The following LDLRAD4 variants were observed in gnomAD, a reference collection of about 807,000 sequenced individuals.
LDLRAD4 encodes low-density lipoprotein receptor class A domain-containing protein 4.
In LDLRAD4, 5 loss-of-function variants were observed where a neutral mutation model predicts 17.0. That is an observed-to-expected ratio of 0.29 (90% confidence interval 0.15 to 0.62). The LOEUF is 0.62. LDLRAD4 is among the 20% of genes least tolerant of loss of function. The pLI is 0.84. For synonymous variants in LDLRAD4, 168 were observed against 171.8 expected (o/e 0.98, Z 0.17); for missense variants, 340 against 424.7 (o/e 0.80, Z 1.75).
rs532608413 is a variant in LDLRAD4 at position 13,583,971 on chromosome 18, C to T, written c.182-37146C>T. Among the ~76,000 whole-genome samples the T allele has an allele frequency of 9.9e-5, 15 of 152,264 alleles. No homozygotes were observed. The South Asian group carries it at 1.0e-3, about 11-fold the overall frequency. On this transcript the variant is annotated intron_variant, in intron 3 of 5. Transcript: ENST00000359446. ...AGGCCTGCCGTGCCCTTCCCATCTC[C>T]GCAGCCTCAGCCTGGCTTCCCTTGA...
intron 3 of LDLRAD4, among the ~76,000 whole-genome samples, chr18:13,450,751 T>TA: frequency 6.6e-6 from 1 of 152,172 alleles, no homozygotes; most frequent in Non-Finnish European, 1.5e-5. Flanking sequence ...AACATCTTAC[T>TA]AAGCCTGGGT....
intron 1 of LDLRAD4, among the ~76,000 whole-genome samples, chr18:13,347,820 T>C (rs2082782651): frequency 6.6e-6 from 1 of 152,224 alleles, no homozygotes; most frequent in Non-Finnish European, 1.5e-5. Context: ...ATTTCATTCA[T>C]TTGATCTTCC....
At position 13,343,937 on chromosome 18, in the gene LDLRAD4, T is replaced by C. The variant is rs543613638; in HGVS notation, c.-382-43404T>C. Among the ~76,000 whole-genome samples, 14 of 152,366 alleles carry C rather than the reference T, an allele frequency of 9.2e-5. No individual in the cohort carries two copies. The South Asian group carries it at 2.5e-3, about 27-fold the overall frequency. On this transcript the variant is annotated intron_variant, in intron 1 of 5. Coordinates refer to ENST00000359446, the Ensembl canonical transcript of LDLRAD4. ...CACTTTTTGATGGGGTTATTTGTTT[T>C]TTTCTTGTAAATTTGCTTGAGTTCA...
chr18:13,441,347 C>T (rs529975786), intron 3 of LDLRAD4, among the ~76,000 whole-genome samples: 5 of 152,340 alleles, frequency 3.3e-5, no homozygotes, highest in South Asian at 4.1e-4. Flanking sequence ...GCTGCTCTGA[C>T]GGTAAGGTCC....
At chr18:13,436,558 G>A (rs747768834) in intron 2 of LDLRAD4, among the ~76,000 whole-genome samples, 3 of 152,094 alleles carry the variant, frequency 2.0e-5, no homozygotes, top group Admixed American at 6.5e-5. Context: ...ACCTGTTTTC[G>A]GTTAATGCGC....
intron 2 of LDLRAD4, among the ~76,000 whole-genome samples, chr18:13,406,570 T>C (rs1236742447): frequency 2.0e-5 from 3 of 152,182 alleles, no homozygotes; most frequent in African/African-American, 7.2e-5. Context: ...GCTTCCCCTT[T>C]GTGCTGGGCC....
exon 1 of LDLRAD4, chr18:13,218,979 G>GGC (rs914995506): frequency 6.6e-6 from 1 of 152,416 alleles, no homozygotes; most frequent in African/African-American, 2.4e-5. Flanking sequence ...TGGGCCTGGG[G>GGC]GCGCGCCCTG....
At chr18:13,448,740 T>C (rs1167301184) in intron 3 of LDLRAD4, among the ~76,000 whole-genome samples, 2 of 152,048 alleles carry the variant, frequency 1.3e-5, no homozygotes, top group Admixed American at 1.3e-4. Flanking sequence ...TGATGGCCGC[T>C]AATCACGTCT....
rs116104986 is a variant in LDLRAD4, at chr18:13,595,894, C to G, written c.182-25223C>G. Among the ~76,000 whole-genome samples, 376 of 152,276 alleles carry G rather than the reference C, an allele frequency of 2.5e-3. 4 individuals are homozygous for G. Among genetic ancestry groups the G allele is most frequent in the African/African-American group, 8.9e-3 (368 of 41,558 alleles). ...TCCATCTGTTAGGTTTATTTGGCTT[C>G]TACTGTGTTTAAGTCTTCTATTTCC... is the stretch of plus-strand genomic sequence containing the variant. On this transcript the variant is annotated intron_variant, in intron 3 of 5. Transcript: ENST00000359446.
At chr18:13,364,007 A>G (rs2083877252) in intron 1 of LDLRAD4, among the ~76,000 whole-genome samples, 1 of 152,204 alleles carries the variant, frequency 6.6e-6, no homozygotes, top group Non-Finnish European at 1.5e-5. Context: ...CATAAATTTT[A>G]AAAGTTTGGT....
At chr18:13,558,330 A>G (rs2094505599) in intron 3 of LDLRAD4, among the ~76,000 whole-genome samples, 1 of 152,236 alleles carries the variant, frequency 6.6e-6, no homozygotes, top group Non-Finnish European at 1.5e-5. Flanking sequence ...CCACAGGGGC[A>G]TGCAGAAGCA....
chr18:13,513,336 G>A (rs2093811926), intron 3 of LDLRAD4, among the ~76,000 whole-genome samples: 1 of 152,222 alleles, frequency 6.6e-6, no homozygotes, highest in African/African-American at 2.4e-5. Context: ...CACATTTAGA[G>A]ATCAGTAAGC....
intron 2 of LDLRAD4, among the ~76,000 whole-genome samples, chr18:13,410,232 T>G (rs2088207483): frequency 6.6e-6 from 1 of 151,062 alleles, no homozygotes; most frequent in Admixed American, 6.6e-5. Flanking sequence ...CTAGATGGGA[T>G]CCTGATGGGG....
chr18:13,640,022 C>T (rs1317757290), intron 4 of LDLRAD4, among the ~76,000 whole-genome samples: 4 of 152,174 alleles, frequency 2.6e-5, no homozygotes, highest in African/African-American at 7.2e-5. Flanking sequence ...TGCGGTGGCT[C>T]ACGCCTGTAA....
intron 1 of LDLRAD4, among the ~76,000 whole-genome samples, chr18:13,252,816 G>A (rs1452006920): frequency 6.6e-6 from 1 of 152,248 alleles, no homozygotes; most frequent in Non-Finnish European, 1.5e-5. Flanking sequence ...TTTCTGCGCA[G>A]GGATGTCTGG....
chr18:13,463,308 A>C (rs2092501495), intron 3 of LDLRAD4, among the ~76,000 whole-genome samples: 1 of 152,046 alleles, frequency 6.6e-6, no homozygotes, highest in Non-Finnish European at 1.5e-5. Flanking sequence ...TTTGGAGGCC[A>C]TGCTGCCTGC....
At chr18:13,338,855 T>A (rs148326374) in intron 1 of LDLRAD4, among the ~76,000 whole-genome samples, 4 of 152,342 alleles carry the variant, frequency 2.6e-5, no homozygotes, top group African/African-American at 9.6e-5. Context: ...TTTAAAATGA[T>A]GCTTTCCACT....
exon 6 of LDLRAD4, chr18:13,651,695 T>C (rs1468313907): frequency 6.6e-6 from 1 of 152,224 alleles, no homozygotes; most frequent in Non-Finnish European, 1.5e-5. Flanking sequence ...ATCTTGGGTG[T>C]GGGCATCCTT....
intron 3 of LDLRAD4, among the ~76,000 whole-genome samples, chr18:13,492,025 G>A (rs1351934837): frequency 6.6e-6 from 1 of 152,196 alleles, no homozygotes; most frequent in Non-Finnish European, 1.5e-5. Flanking sequence ...AATGAATACA[G>A]TAGCATGGTT....
Sources: allele counts gnomAD v4.1 joint callset (sites outside exome capture counted in the v4.1 genomes callset), GRCh38; gene constraint gnomAD v4.1.1; transcripts MANE v1.5; gene names NCBI Gene and HGNC (gene_info 2026-07-23, HGNC 2026-07-21).